POU3F3: variants seen among roughly 807,000 people sequenced by gnomAD.
POU3F3 encodes the protein POU domain, class 3, transcription factor 3.
POU3F3 carries 1 observed loss-of-function variant against 8.6 expected under a neutral mutation model. The ratio of observed to expected loss-of-function variants is 0.12; its 90% confidence interval spans 0.04 to 0.55. POU3F3 has a LOEUF of 0.55. POU3F3 is among the 20% of genes least tolerant of loss of function. The pLI is 0.91. For missense variants in POU3F3, 577 were observed against 690.7 expected, an observed-to-expected ratio of 0.84 and a Z score of 1.84; for synonymous variants, 418 against 327.4, an observed-to-expected ratio of 1.28 and a Z score of -2.99.
chr2:104,893,478 G>T, the POU3F3 span, among the ~76,000 whole-genome samples: 1 of 152,244 alleles, frequency 6.6e-6, no homozygotes, highest in Admixed American at 6.5e-5. Context: ...GAGGGCAATG[G>T]TTGACCTACC....
At chr2:104,924,833 TC>T in the POU3F3 span, among the ~76,000 whole-genome samples, 518 of 152,264 alleles carry the variant, frequency 3.4e-3, 1 homozygote, top group Admixed American at 9.2e-3. Flanking sequence ...CATTAACCAG[TC>T]CCAAAATTTT....
At chr2:104,922,236 G>T in the POU3F3 span, among the ~76,000 whole-genome samples, 1 of 151,940 alleles carries the variant, frequency 6.6e-6, no homozygotes, top group Non-Finnish European at 1.5e-5. Context: ...CCAATGTCTT[G>T]TTTTCAATTT....
In POU3F3 at chr2:104,857,004, CGT is replaced by C; in HGVS notation, c.1495_1496del (p.Val499SerfsTer140). 6.3e-7 allele frequency: 1 copy of C among 1,599,324 alleles called. No individual in the cohort carries two copies. Among genetic ancestry groups the C allele is most frequent in the Non-Finnish European group, 8.5e-7 (1 of 1,174,486 alleles). ...PPPHHGLQTS[V>X]Q is the part of the protein sequence containing the mutation. ...CGCCTCACCACGGGCTGCAGACGAG[CGT>C]TCAGTGAAGCCAGGGCGCAGAGCGA... On this transcript the variant is annotated frameshift_variant, in exon 1 of 1. Coordinates refer to ENST00000361360, the MANE Select transcript of POU3F3 (RefSeq NM_006236.3). LOFTEE classifies it high-confidence loss of function.
chr2:104,919,858 C>G, the POU3F3 span, among the ~76,000 whole-genome samples: 1 of 151,918 alleles, frequency 6.6e-6, no homozygotes, highest in Non-Finnish European at 1.5e-5. Context: ...CTCTCTTTCT[C>G]TCTCATTGTC....
At chr2:104,925,388 T>C in the POU3F3 span, among the ~76,000 whole-genome samples, 3 of 152,256 alleles carry the variant, frequency 2.0e-5, no homozygotes, top group South Asian at 4.2e-4. Flanking sequence ...GCTTGTGAGA[T>C]TGGAAATAAG....
the POU3F3 span, among the ~76,000 whole-genome samples, chr2:104,902,910 C>T: frequency 2.0e-5 from 3 of 152,110 alleles, no homozygotes; most frequent in South Asian, 4.1e-4. Flanking sequence ...GCAGGGCCTC[C>T]GCTTAATTGC....
chr2:104,896,013 A>G, the POU3F3 span, among the ~76,000 whole-genome samples: 3 of 152,154 alleles, frequency 2.0e-5, no homozygotes, highest in Non-Finnish European at 4.4e-5. Context: ...CTGTTTCAGC[A>G]CACAAGGGCT....
At chr2:104,896,773 T>C in the POU3F3 span, among the ~76,000 whole-genome samples, 1 of 152,230 alleles carries the variant, frequency 6.6e-6, no homozygotes, top group African/African-American at 2.4e-5. Flanking sequence ...CCGCCTCTCC[T>C]GGAGAAGCCT....
chr2:104,881,155 C>A, the POU3F3 span, among the ~76,000 whole-genome samples: 1 of 139,512 alleles, frequency 7.2e-6, no homozygotes, highest in African/African-American at 2.7e-5. Flanking sequence ...TCTTTCCTTT[C>A]TTTCCTTTCT....
Position 104,855,377 on chromosome 2 carries a change from C to T in POU3F3, c.-134C>T. 5.7e-6 allele frequency: 1 copy of T among 175,070 alleles called. No homozygotes were observed. Among genetic ancestry groups the T allele is most frequent in the Non-Finnish European group, 7.0e-6 (1 of 143,594 alleles). The allele number at this position is 175,070 out of a possible 1,614,324, so 10.8% of individuals were successfully genotyped here. On this transcript the variant is annotated 5_prime_UTR_variant, in exon 1 of 1. Transcript: ENST00000361360. Reference sequence around the variant, plus strand: ...CGGCGGGGCCGGCGGGGGCCCGGGGCGGGGGCGGGGAAGGAGGGGGGGAGG... The same window carrying T: ...CGGCGGGGCCGGCGGGGGCCCGGGGTGGGGGCGGGGAAGGAGGGGGGGAGG...
At chr2:104,927,004 G>C in the POU3F3 span, among the ~76,000 whole-genome samples, 1 of 152,138 alleles carries the variant, frequency 6.6e-6, no homozygotes, top group African/African-American at 2.4e-5. Context: ...ACCTAATGTA[G>C]ATGATGGGTG....
At chr2:104,912,452 T>TG in the POU3F3 span, among the ~76,000 whole-genome samples, 57,283 of 151,840 alleles carry the variant, frequency 0.38, 11,057 homozygotes, top group East Asian at 0.42. Flanking sequence ...CTATGTGGTG[T>TG]GGGGGGCCCC....
chr2:104,919,852 C>T, the POU3F3 span, among the ~76,000 whole-genome samples: 1 of 151,812 alleles, frequency 6.6e-6, no homozygotes. Context: ...CTCTCTCTCT[C>T]TTTCTCTCTC....
At chr2:104,871,306 A>G in the POU3F3 span, among the ~76,000 whole-genome samples, 1 of 152,264 alleles carries the variant, frequency 6.6e-6, no homozygotes, top group African/African-American at 2.4e-5. Flanking sequence ...AATAAGTTCA[A>G]CATTGACCAT....
chr2:104,921,129 A>G, the POU3F3 span, among the ~76,000 whole-genome samples: 2 of 152,194 alleles, frequency 1.3e-5, no homozygotes, highest in Non-Finnish European at 2.9e-5. Context: ...GTACTAAGAG[A>G]AAGAAGAGGA....
chr2:104,854,126 C>A lies in POU3F3; in HGVS notation c.-1385C>A, dbSNP rs1377023021. 1.3e-5 allele frequency among the ~76,000 whole-genome samples: 2 copies of A among 152,056 alleles called. No individual in the cohort carries two copies. The highest frequency in any genetic ancestry group is 1.5e-5 in the Non-Finnish European group (1 of 68,026). On this transcript the variant is annotated 5_prime_UTR_variant, in exon 1 of 1. Transcript: ENST00000361360. The surrounding 1 kb of genome is among the most constrained non-coding windows in gnomAD (Gnocchi z 4.5). ...GGCGGAGGGTAAACATTCGACAGTC[C>A]CCGCTCTGAGAGGGAGGGACAGAGA... is the stretch of plus-strand genomic sequence containing the variant.
chr2:104,876,354 T>C, the POU3F3 span, among the ~76,000 whole-genome samples: 4 of 152,278 alleles, frequency 2.6e-5, no homozygotes, highest in Non-Finnish European at 4.4e-5. Flanking sequence ...TTTGAAGTCC[T>C]TTTTCCTAGA....
At chr2:104,883,741 A>G in the POU3F3 span, among the ~76,000 whole-genome samples, 1 of 152,242 alleles carries the variant, frequency 6.6e-6, no homozygotes, top group African/African-American at 2.4e-5. Context: ...AGTTGCAAAC[A>G]TCCAGAATAA....
the POU3F3 span, among the ~76,000 whole-genome samples, chr2:104,913,134 C>T: frequency 5.3e-5 from 8 of 151,616 alleles, no homozygotes; most frequent in African/African-American, 1.5e-4. Flanking sequence ...TTCTCCAGCC[C>T]GCAGCCAGAG....
Sources: allele counts gnomAD v4.1 joint callset (sites outside exome capture counted in the v4.1 genomes callset), GRCh38; gene constraint gnomAD v4.1.1; non-coding constraint Gnocchi (gnomAD v3.1); transcripts MANE v1.5; gene names NCBI Gene and HGNC (gene_info 2026-07-23, HGNC 2026-07-21).